The following SGF29 variants were observed in gnomAD, a reference collection of about 807,000 sequenced individuals.
SGF29 encodes the protein SAGA complex associated factor 29.
In SGF29, 15 loss-of-function variants were observed where a neutral mutation model predicts 38.1. That is an observed-to-expected ratio of 0.39 (90% confidence interval 0.26 to 0.61). The LOEUF (loss-of-function observed/expected upper bound fraction) is 0.61, where lower values mean the gene tolerates loss of function less well. SGF29 is among the 20% of genes least tolerant of loss of function. The pLI, the probability that SGF29 is intolerant of heterozygous loss-of-function variation, is 0.49. For synonymous variants in SGF29, 151 were observed against 160.8 expected (o/e 0.94, Z 0.46); for missense variants, 184 against 394.6 (o/e 0.47, Z 4.52).
chr16:28,589,370 G>A, intron 5 of SGF29: 1 of 563,856 alleles, frequency 1.8e-6, no homozygotes, highest in Middle Eastern at 4.9e-4. Flanking sequence ...TTCTCCCTCA[G>A]CAGCCAGAGA....
chr16:28,558,015 TCC>T, intron 1 of SGF29, among the ~76,000 whole-genome samples: 1 of 147,138 alleles, frequency 6.8e-6, no homozygotes. Flanking sequence ...TTGCTGTGTT[TCC>T]CAGGCTGGTC....
At chr16:28,558,756 T>C (rs1243150627) in intron 1 of SGF29, among the ~76,000 whole-genome samples, 1 of 152,186 alleles carries the variant, frequency 6.6e-6, no homozygotes, top group Non-Finnish European at 1.5e-5. Flanking sequence ...TGCTGTGACA[T>C]TGATGACCTT....
chr16:28,560,960 CAAA>C lies in SGF29; in HGVS notation c.-16+6877_-16+6879del, dbSNP rs531139717. On this transcript the variant is annotated intron_variant, in intron 1 of 9. Transcript: ENST00000317058. ...TGGGTGACAGAGCAAGACTCTGTCT[CAAA>C]AAAAAAAAAAAAAGGCAATCAACGA... 4.5e-5 allele frequency among the ~76,000 whole-genome samples: 4 copies of C among 89,238 alleles called. No homozygotes were observed. In the East Asian group the frequency reaches 1.8e-3, roughly 39 times the overall value. The allele number at this position is 89,238 out of a possible 152,430, so 58.5% of individuals were successfully genotyped here.
chr16:28,571,528 A>G (rs151231), intron 1 of SGF29, among the ~76,000 whole-genome samples: 74,994 of 149,900 alleles, frequency 0.5, 19,369 homozygotes, highest in Non-Finnish European at 0.54. Flanking sequence ...GGGAGGTGGA[A>G]GTTTCAGTGA....
chr16:28,555,796 A>G (rs762855484), intron 1 of SGF29, among the ~76,000 whole-genome samples: 2 of 152,328 alleles, frequency 1.3e-5, no homozygotes, highest in East Asian at 3.9e-4. Context: ...TGCCTCAATC[A>G]TCATTTTACT....
At position 28,590,416 on chromosome 16, in the gene SGF29, G is replaced by A; in HGVS notation, c.540G>A (p.Val180=). The change falls in exon 7 of 10, where the codon GTG becomes GTA. Residue 180 remains valine (V), a synonymous_variant. Coordinates refer to ENST00000317058, the MANE Select transcript of SGF29 (RefSeq NM_138414.3). This position sits in a 1 kb window ranked among gnomAD's most constrained non-coding sequence, Gnocchi z 8.2. ...ACGAGCAGTGGATCCTGGCCGAGGTGGTCAGTTACAGCCATGCCACCAACA... is the reference window on the plus strand; with the variant it reads ...ACGAGCAGTGGATCCTGGCCGAGGTAGTCAGTTACAGCCATGCCACCAACA... The part of the protein sequence containing the change: ...DGDEQWILAE[V]VSYSHATNKY... The A allele has an allele frequency of 1.2e-6, 2 of 1,613,908 alleles. No individual in the cohort carries two copies. Among genetic ancestry groups the A allele is most frequent in the Non-Finnish European group, 1.7e-6 (2 of 1,179,842 alleles).
chr16:28,557,627 T>C (rs1343301301), intron 1 of SGF29, among the ~76,000 whole-genome samples: 1 of 152,134 alleles, frequency 6.6e-6, no homozygotes, highest in Non-Finnish European at 1.5e-5. Flanking sequence ...GTGACTGGCA[T>C]TGAGAATTGG....
At chr16:28,554,188 C>A (rs1286935710) in intron 1 of SGF29, 91 bp downstream of exon 1, 1 of 152,074 alleles carries the variant, frequency 6.6e-6, no homozygotes, top group Non-Finnish European at 1.5e-5. Context: ...TCCCGACCTC[C>A]CTGAGGCGGC....
chr16:28,572,302 T>C (rs1454454152), intron 1 of SGF29, among the ~76,000 whole-genome samples: 2 of 128,948 alleles, frequency 1.6e-5, no homozygotes, highest in African/African-American at 3.0e-5. Flanking sequence ...GAGACGGAGC[T>C]CTTGTTGCCC....
At chr16:28,554,966 C>T (rs184308975) in intron 1 of SGF29, among the ~76,000 whole-genome samples, 290 of 152,326 alleles carry the variant, frequency 1.9e-3, no homozygotes, top group Non-Finnish European at 3.1e-3. Flanking sequence ...CTGGCTTCTC[C>T]TCTGCTGATT....
intron 4 of SGF29, chr16:28,588,640 C>T (rs1255277091): frequency 4.6e-6 from 2 of 430,130 alleles, no homozygotes; most frequent in East Asian, 1.5e-4. Flanking sequence ...TCTCGGTTCA[C>T]TGCAACCTCT....
chr16:28,588,962 CAGG>C, intron 4 of SGF29, 135 bp from the exon 5 acceptor site: 1 of 837,694 alleles, frequency 1.2e-6, no homozygotes, highest in Non-Finnish European at 2.0e-6. Context: ...TCCACCTGCG[CAGG>C]AGGCTACTGT....
intron 2 of SGF29, among the ~76,000 whole-genome samples, chr16:28,583,910 T>C (rs905816381): frequency 7.9e-5 from 12 of 152,338 alleles, no homozygotes; most frequent in South Asian, 4.1e-4. Context: ...CTTGTCAATT[T>C]CTGCAAAGAA....
chr16:28,587,878 C>A (rs191247598), intron 4 of SGF29, among the ~76,000 whole-genome samples: 3 of 152,178 alleles, frequency 2.0e-5, no homozygotes, highest in Non-Finnish European at 4.4e-5. Context: ...CGGCTCACTG[C>A]AAGCTCTGCC....
At chr16:28,587,031 G>C (rs977006226) in intron 4 of SGF29, among the ~76,000 whole-genome samples, 2 of 152,082 alleles carry the variant, frequency 1.3e-5, no homozygotes, top group Admixed American at 6.5e-5. Flanking sequence ...ATTTTTTGTA[G>C]AGAGGGGTTT....
At chr16:28,587,742 A>G (rs1413393091) in intron 4 of SGF29, among the ~76,000 whole-genome samples, 3 of 152,220 alleles carry the variant, frequency 2.0e-5, no homozygotes, top group Non-Finnish European at 4.4e-5. Context: ...GGGGTTTGCC[A>G]TGGTATCAGA....
chr16:28,570,933 T>TGCTA (rs2046861335), intron 1 of SGF29, among the ~76,000 whole-genome samples: 1 of 152,108 alleles, frequency 6.6e-6, no homozygotes, highest in Non-Finnish European at 1.5e-5. Flanking sequence ...TTTGAGTTGA[T>TGCTA]GCTAGAATGA....
intron 1 of SGF29, among the ~76,000 whole-genome samples, chr16:28,566,166 CAGG>C (rs2046835255): frequency 6.6e-6 from 1 of 151,370 alleles, no homozygotes; most frequent in African/African-American, 2.4e-5. Flanking sequence ...CCCAGCTACT[CAGG>C]AGGCTGAGGT....
At chr16:28,573,257 A>T (rs1313960776) in intron 1 of SGF29, among the ~76,000 whole-genome samples, 1 of 152,094 alleles carries the variant, frequency 6.6e-6, no homozygotes. Flanking sequence ...TCCAGCCCAG[A>T]GGAGGAGCTG....
Sources: gnomAD v4.1 joint callset for allele counts (sites outside exome capture counted in the v4.1 genomes callset) on GRCh38, gnomAD v4.1.1 for gene constraint, Gnocchi (gnomAD v3.1) non-coding constraint, MANE v1.5 for transcripts, NCBI Gene and HGNC (gene_info 2026-07-23, HGNC 2026-07-21) for gene names.